OSTN: variants seen among roughly 807,000 people sequenced by gnomAD.
The protein encoded by OSTN is osteocrin.
OSTN carries 9 observed loss-of-function variants against 12.0 expected under a neutral mutation model. The ratio of observed to expected loss-of-function variants is 0.75; its 90% CI spans 0.45 to 1.30. The LOEUF is 1.30. Among genes scored for constraint, OSTN ranks in the 50% most tolerant of loss-of-function variants. OSTN has a pLI of 0.00. For synonymous variants in OSTN, 59 were observed against 56.9 expected (o/e 1.04, Z -0.16); for missense variants, 148 against 152.3 (o/e 0.97, Z 0.15).
intron 1 of OSTN, among the ~76,000 whole-genome samples, chr3:191,210,535 G>A (rs1274601089): frequency 2.0e-5 from 3 of 152,138 alleles, no homozygotes; most frequent in Non-Finnish European, 4.4e-5. Flanking sequence ...TCCTCTCAAA[G>A]CTTTTTTGAG....
intron 1 of OSTN, among the ~76,000 whole-genome samples, chr3:191,211,644 T>G (rs1714420448): frequency 6.6e-6 from 1 of 152,158 alleles, no homozygotes. Flanking sequence ...CCTAAAACCA[T>G]TCTAACATTG....
chr3:191,212,765 CAT>C (rs941765725), intron 2 of OSTN, 131 bp downstream of exon 2: 7 of 147,400 alleles, frequency 4.7e-5, no homozygotes, highest in African/African-American at 1.6e-4. Flanking sequence ...ATTTATATAT[CAT>C]ATCATATATT....
intron 3 of OSTN, among the ~76,000 whole-genome samples, chr3:191,234,354 A>G (rs1057376594): frequency 6.6e-6 from 1 of 152,294 alleles, no homozygotes; most frequent in Non-Finnish European, 1.5e-5. Flanking sequence ...CAAGAAAGGA[A>G]GAGGTTTCCA....
intron 1 of OSTN, among the ~76,000 whole-genome samples, chr3:191,207,213 G>C (rs538199881): frequency 6.6e-6 from 1 of 152,238 alleles, no homozygotes; most frequent in Admixed American, 6.5e-5. Flanking sequence ...AGTCTATTTT[G>C]AGTATTGCCA....
intron 3 of OSTN, among the ~76,000 whole-genome samples, chr3:191,237,034 A>G (rs1358090026): frequency 6.6e-6 from 1 of 152,158 alleles, no homozygotes; most frequent in East Asian, 1.9e-4. Flanking sequence ...TGCAGAAAGT[A>G]GCTTTCTACA....
At chr3:191,249,202 T>TGAA (rs1319233896) in intron 3 of OSTN, among the ~76,000 whole-genome samples, 10 of 152,222 alleles carry the variant, frequency 6.6e-5, no homozygotes, top group Non-Finnish European at 1.3e-4. Flanking sequence ...TGTCTCTTTC[T>TGAA]TCATAAAGAT....
intron 2 of OSTN, among the ~76,000 whole-genome samples, chr3:191,212,874 T>TC (rs572029273): frequency 0.016 from 2,200 of 134,032 alleles, 50 homozygotes; most frequent in African/African-American, 0.051. Flanking sequence ...TTTCTTTTTT[T>TC]TTTTTTTTTT....
chr3:191,243,307 G>A (rs1363440592), intron 3 of OSTN, among the ~76,000 whole-genome samples: 1 of 152,128 alleles, frequency 6.6e-6, no homozygotes, highest in African/African-American at 2.4e-5. Flanking sequence ...ATATATTGTA[G>A]AGGAATCCTT....
chr3:191,242,155 A>T (rs1196840474), intron 3 of OSTN, among the ~76,000 whole-genome samples: 1 of 152,198 alleles, frequency 6.6e-6, no homozygotes, highest in Admixed American at 6.5e-5. Context: ...ATAAAGCTAA[A>T]CCCCCACCTA....
At chr3:191,261,355 G>A (rs1284620749) in intron 4 of OSTN, among the ~76,000 whole-genome samples, 5 of 152,206 alleles carry the variant, frequency 3.3e-5, no homozygotes, top group African/African-American at 1.2e-4. Flanking sequence ...GTTACAGAAA[G>A]AATGCAGGCT....
intron 1 of OSTN, among the ~76,000 whole-genome samples, chr3:191,212,156 A>G (rs1000356427): frequency 9.2e-5 from 14 of 152,220 alleles, no homozygotes; most frequent in African/African-American, 2.7e-4. Context: ...ATCAGGACTT[A>G]CGCTCTAATG....
chr3:191,243,037 C>T (rs561019962), intron 3 of OSTN, among the ~76,000 whole-genome samples: 25 of 151,152 alleles, frequency 1.7e-4, no homozygotes, highest in African/African-American at 5.6e-4. Flanking sequence ...ATCCAAGTGG[C>T]CAATAAACAA....
chr3:191,232,978 G>A (rs187702112), intron 3 of OSTN, among the ~76,000 whole-genome samples: 9 of 152,096 alleles, frequency 5.9e-5, no homozygotes, highest in East Asian at 1.9e-4. Flanking sequence ...CCATCTACAC[G>A]TATAGGCCCC....
At chr3:191,211,082 T>C (rs1345739007) in intron 1 of OSTN, among the ~76,000 whole-genome samples, 1 of 152,210 alleles carries the variant, frequency 6.6e-6, no homozygotes, top group Non-Finnish European at 1.5e-5. Flanking sequence ...CTGATTCCCT[T>C]ATGTTTTTTC....
chr3:191,227,952 C>T (rs185598224), intron 3 of OSTN, among the ~76,000 whole-genome samples: 193 of 152,164 alleles, frequency 1.3e-3, no homozygotes, highest in Middle Eastern at 3.4e-3. Flanking sequence ...TTCCATGCCA[C>T]GAATCCCCTT....
chr3:191,218,631 T>G (rs1451116934), intron 2 of OSTN, 116 bp from the exon 3 acceptor site: 3 of 808,902 alleles, frequency 3.7e-6, no homozygotes, highest in African/African-American at 3.5e-5. Flanking sequence ...CTCAAAAAAA[T>G]TGTAAGATGT....
At chr3:191,218,047 T>C (rs539978362) in intron 2 of OSTN, among the ~76,000 whole-genome samples, 2 of 152,134 alleles carry the variant, frequency 1.3e-5, no homozygotes, top group East Asian at 3.9e-4. Context: ...CATTGACTAA[T>C]AACAAGTACA....
intron 3 of OSTN, among the ~76,000 whole-genome samples, chr3:191,239,999 T>C (rs532917957): frequency 6.6e-6 from 1 of 152,368 alleles, no homozygotes; most frequent in South Asian, 2.1e-4. Flanking sequence ...CACTTTATGT[T>C]CAGCTTGATC....
chr3:191,222,220 C>T (rs1448413416), intron 3 of OSTN, among the ~76,000 whole-genome samples: 2 of 152,224 alleles, frequency 1.3e-5, no homozygotes, highest in African/African-American at 4.8e-5. Context: ...AGAGTCCCCA[C>T]TGCCTAGTAG....
Sources: allele counts gnomAD v4.1 joint callset (sites outside exome capture counted in the v4.1 genomes callset), GRCh38; gene constraint gnomAD v4.1.1; transcripts MANE v1.5; gene names NCBI Gene and HGNC (gene_info 2026-07-23, HGNC 2026-07-21).